The following NUP58 variants were observed in gnomAD, a reference collection of about 807,000 sequenced individuals.
NUP58 encodes the protein nucleoporin p58/p45.
NUP58 carries 17 observed loss-of-function variants against 70.1 expected under a neutral mutation model. That is an observed-to-expected ratio of 0.24 (90% CI 0.17 to 0.36). NUP58 has a LOEUF of 0.36. Among genes scored for constraint, NUP58 ranks in the 10% least tolerant of loss-of-function variants. NUP58 has a pLI of 1.00. For synonymous variants in NUP58, 275 were observed against 257.6 expected, an observed-to-expected ratio of 1.07 and a Z score of -0.65; for missense variants, 644 against 701.5, an observed-to-expected ratio of 0.92 and a Z score of 0.93.
At chr13:25,326,867 C>CAAA in intron 10 of NUP58, 49 bp from the exon 11 acceptor site, 3 of 1,052,738 alleles carry the variant, frequency 2.8e-6, no homozygotes, top group Non-Finnish European at 4.3e-6. Context: ...GGATTTGTCA[C>CAAA]TCCAAATTAA....
At chr13:25,327,629 A>T in intron 12 of NUP58, 117 bp downstream of exon 12, 2 of 607,836 alleles carry the variant, frequency 3.3e-6, no homozygotes, top group East Asian at 2.8e-5. Context: ...ATAAGTGAAA[A>T]GATGAAAACT....
chr13:25,322,172 A>G (rs574637485), intron 9 of NUP58, among the ~76,000 whole-genome samples: 1 of 152,350 alleles, frequency 6.6e-6, no homozygotes, highest in African/African-American at 2.4e-5. Context: ...AATGAACTTC[A>G]TGTGAGATAC....
chr13:25,316,462 A>C (rs2030934818), intron 6 of NUP58, among the ~76,000 whole-genome samples: 1 of 151,942 alleles, frequency 6.6e-6, no homozygotes, highest in South Asian at 2.1e-4. Flanking sequence ...TTTTTAAAAA[A>C]CTGGACACAG....
At chr13:25,308,641 A>G (rs962463428) in intron 2 of NUP58, among the ~76,000 whole-genome samples, 1 of 152,128 alleles carries the variant, frequency 6.6e-6, no homozygotes, top group Non-Finnish European at 1.5e-5. Flanking sequence ...GATGTTTTAC[A>G]TTTTTGTATT....
intron 9 of NUP58, among the ~76,000 whole-genome samples, chr13:25,324,215 T>G (rs1433610164): frequency 1.3e-5 from 2 of 152,178 alleles, no homozygotes; most frequent in South Asian, 2.1e-4. Flanking sequence ...AGTCATCAGC[T>G]TAGCAGCTTG....
downstream of NUP58, among the ~76,000 whole-genome samples, chr13:25,343,292 C>G (rs1412006049): frequency 6.6e-6 from 1 of 151,188 alleles, no homozygotes; most frequent in African/African-American, 2.4e-5. Flanking sequence ...TCCTGAGTTT[C>G]TTCTCTTTTT....
downstream of NUP58, chr13:25,342,468 T>TAAA (rs1416930919): frequency 1.3e-5 from 2 of 152,614 alleles, no homozygotes; most frequent in Non-Finnish European, 2.9e-5. Context: ...ATTATTGCTC[T>TAAA]TTTAGTCTCC....
At chr13:25,318,231 G>A (rs2137763528) in intron 6 of NUP58, among the ~76,000 whole-genome samples, 1 of 152,192 alleles carries the variant, frequency 6.6e-6, no homozygotes, top group East Asian at 1.9e-4. Context: ...GGGAAGCTGA[G>A]GCAGGAGAAT....
intron 2 of NUP58, 68 bp from the exon 3 acceptor site, chr13:25,309,179 A>G (rs1222891304): frequency 8.3e-7 from 1 of 1,207,172 alleles, no homozygotes. Flanking sequence ...TCTTTCCCTT[A>G]TGACAGGTAA....
downstream of NUP58, among the ~76,000 whole-genome samples, chr13:25,345,321 C>A (rs1435964446): frequency 6.6e-6 from 1 of 152,064 alleles, no homozygotes; most frequent in African/African-American, 2.4e-5. Context: ...ATTTTCATGA[C>A]TAACTGAAAG....
Position 25,327,299 on chromosome 13 carries a change from A to G in NUP58, c.1151-131A>G, listed in dbSNP as rs370044197. ...CTGCTACTCTGTGTGTTCTCTGGCC[A>G]TGAGAACGTTGATAGAGTTTTTTTC... On this transcript the variant is annotated intron_variant, in intron 11 of 15. Transcript: ENST00000381736. 1.5e-4 allele frequency: 90 copies of G among 595,130 alleles called. No individual in the cohort carries two copies. In the East Asian group the frequency reaches 2.3e-3, roughly 15 times the overall value. The allele number at this position is 595,130 out of a possible 1,614,324, so 36.9% of individuals were successfully genotyped here. A position where few individuals can be genotyped will look rare whatever the true frequency, so the allele number is the denominator to read the frequency against.
chr13:25,345,737 A>G (rs2032041613), downstream of NUP58, among the ~76,000 whole-genome samples: 2 of 152,196 alleles, frequency 1.3e-5, no homozygotes, highest in African/African-American at 4.8e-5. Context: ...GCTCAGACCA[A>G]GTGAGACTTG....
At position 25,304,481 on chromosome 13, in the gene NUP58, TATA is replaced by T. The variant is rs2030196662; in HGVS notation, c.107+2602_107+2604del. 2.4e-3 allele frequency among the ~76,000 whole-genome samples: 27 copies of T among 11,088 alleles called. No homozygotes were observed. The Middle Eastern group carries it at 0.16, about 65-fold the overall frequency. The allele number at this position is 11,088 out of a possible 152,430, so 7.3% of individuals were successfully genotyped here. A position where few individuals can be genotyped will look rare whatever the true frequency, so the allele number is the denominator to read the frequency against. ...GTCTTCAGTTATGTTGTCAAGATTA[TATA>T]TATATATATATATATATATATATAT... On this transcript the variant is annotated intron_variant, in intron 1 of 15. Transcript: ENST00000381736.
intron 9 of NUP58, among the ~76,000 whole-genome samples, chr13:25,323,863 G>A (rs1315616742): frequency 6.6e-6 from 1 of 152,142 alleles, no homozygotes; most frequent in Non-Finnish European, 1.5e-5. Context: ...AGGCATTAGG[G>A]ATCAAGACTT....
At chr13:25,322,009 A>G (rs900670554) in intron 9 of NUP58, among the ~76,000 whole-genome samples, 12 of 152,256 alleles carry the variant, frequency 7.9e-5, no homozygotes, top group Admixed American at 5.2e-4. Flanking sequence ...GTAATATACA[A>G]TACATATTAA....
At chr13:25,324,461 A>G (rs1384331177) in intron 9 of NUP58, among the ~76,000 whole-genome samples, 1 of 152,162 alleles carries the variant, frequency 6.6e-6, no homozygotes, top group African/African-American at 2.4e-5. Flanking sequence ...TTCTAGCAGC[A>G]TGATATTGGG....
chr13:25,318,407 C>G (rs888080471), intron 6 of NUP58, among the ~76,000 whole-genome samples: 6 of 152,120 alleles, frequency 3.9e-5, no homozygotes, highest in African/African-American at 1.4e-4. Context: ...TTCAAGCAGT[C>G]TGCCCAAAAT....
intron 10 of NUP58, among the ~76,000 whole-genome samples, chr13:25,325,869 T>C (rs367620627): frequency 7.2e-5 from 11 of 152,152 alleles, no homozygotes; most frequent in African/African-American, 2.4e-4. Context: ...CCCTTACTTA[T>C]TTTATTCTTT....
chr13:25,342,994 G>T (rs1289407049), downstream of NUP58, among the ~76,000 whole-genome samples: 3 of 151,894 alleles, frequency 2.0e-5, no homozygotes, highest in South Asian at 2.1e-4. Flanking sequence ...CTACTGTGTG[G>T]TTTTTTTAGG....
Sources: allele counts gnomAD v4.1 joint callset (sites outside exome capture counted in the v4.1 genomes callset), GRCh38; gene constraint gnomAD v4.1.1; transcripts MANE v1.5; gene names NCBI Gene and HGNC (gene_info 2026-07-23, HGNC 2026-07-21).